Variants in TCF7L2 observed in about 807,000 individuals in gnomAD.
TCF7L2 encodes the protein transcription factor 7 like 2.
TCF7L2 carries 23 observed loss-of-function variants against 77.9 expected under a neutral mutation model. That is an observed-to-expected ratio of 0.30 (90% CI 0.21 to 0.42). The LOEUF is 0.42. TCF7L2 is among the 10% of genes least tolerant of loss of function. The pLI, the probability that TCF7L2 is intolerant of heterozygous loss-of-function variation, is 1.00. For missense variants in TCF7L2, 654 were observed against 793.1 expected (o/e 0.82, Z 2.11); for synonymous variants, 413 against 340.2 (o/e 1.21, Z -2.36).
At chr10:113,024,376 G>A (rs562544601) in intron 4 of TCF7L2, among the ~76,000 whole-genome samples, 3 of 152,102 alleles carry the variant, frequency 2.0e-5, no homozygotes, top group African/African-American at 7.2e-5. Flanking sequence ...CATAAACCCT[G>A]TAAACTATCT....
intron 5 of TCF7L2, among the ~76,000 whole-genome samples, chr10:113,132,745 G>A (rs557963872): frequency 1.3e-5 from 2 of 152,266 alleles, no homozygotes; most frequent in East Asian, 1.9e-4. Context: ...TTATGTTAAC[G>A]CTAATCATTT....
chr10:113,081,022 T>A (rs1443777836), intron 5 of TCF7L2, among the ~76,000 whole-genome samples: 1 of 152,206 alleles, frequency 6.6e-6, no homozygotes, highest in Non-Finnish European at 1.5e-5. Flanking sequence ...AACATTTGAT[T>A]CCCATTGAAA....
chr10:113,039,917 A>T (rs1276727444), intron 4 of TCF7L2, 108 bp from the exon 5 acceptor site: 1 of 890,020 alleles, frequency 1.1e-6, no homozygotes. Flanking sequence ...GCATGCTTGT[A>T]TGTTTTTCAG....
At chr10:113,014,801 C>T (rs1472497202) in intron 4 of TCF7L2, among the ~76,000 whole-genome samples, 2 of 152,060 alleles carry the variant, frequency 1.3e-5, no homozygotes, top group East Asian at 3.9e-4. Flanking sequence ...AACAAACAAA[C>T]AAACAAACAA....
chr10:113,037,183 G>A (rs1034381943), intron 4 of TCF7L2, among the ~76,000 whole-genome samples: 1 of 152,212 alleles, frequency 6.6e-6, no homozygotes, highest in African/African-American at 2.4e-5. Context: ...AAGGTTAATA[G>A]CTTCCTTTAG....
intron 5 of TCF7L2, among the ~76,000 whole-genome samples, chr10:113,118,664 GTTTTT>G (rs78459197): frequency 1.4e-3 from 93 of 68,264 alleles, no homozygotes; most frequent in Non-Finnish European, 2.8e-3. Flanking sequence ...GTTTTTTTTT[GTTTTT>G]TTTTTTTTGT....
intron 5 of TCF7L2, among the ~76,000 whole-genome samples, chr10:113,131,858 A>C (rs2066650697): frequency 6.6e-6 from 1 of 152,186 alleles, no homozygotes; most frequent in Non-Finnish European, 1.5e-5. Flanking sequence ...AGTTCTGCAC[A>C]CATTTGAGGA....
intron 4 of TCF7L2, among the ~76,000 whole-genome samples, chr10:112,990,300 G>C (rs1344077850): frequency 6.6e-6 from 1 of 152,106 alleles, no homozygotes; most frequent in East Asian, 1.9e-4. Context: ...TTCAATAACA[G>C]AGCAGTTCAG....
chr10:112,999,481 C>T lies in TCF7L2; in HGVS notation c.450+34857C>T, dbSNP rs1282241222. On this transcript the variant is annotated intron_variant, in intron 4 of 13. Transcript: ENST00000627217. ...CCTTTCTTCTCAGAAGCTTGAGGCA[C>T]TCTGCAGATACCATCTCAATTTGCT... Among the ~76,000 whole-genome samples the T allele has an allele frequency of 2.6e-5, 4 of 152,214 alleles. No homozygotes were observed. In the South Asian group the frequency reaches 6.2e-4, roughly 24 times the overall value.
intron 4 of TCF7L2, among the ~76,000 whole-genome samples, chr10:112,967,925 G>A (rs1430133286): frequency 3.9e-5 from 6 of 152,066 alleles, no homozygotes; most frequent in South Asian, 4.1e-4. Flanking sequence ...GTGAGCCACC[G>A]CTCCTGGCCA....
At chr10:112,981,862 A>C (rs915175809) in intron 4 of TCF7L2, among the ~76,000 whole-genome samples, 1 of 152,186 alleles carries the variant, frequency 6.6e-6, no homozygotes, top group Non-Finnish European at 1.5e-5. Context: ...TGGGAACCAA[A>C]GTGACCAGGA....
chr10:113,163,654 C>T (rs1047988772), intron 13 of TCF7L2, among the ~76,000 whole-genome samples: 8 of 152,204 alleles, frequency 5.3e-5, no homozygotes, highest in African/African-American at 1.9e-4. Flanking sequence ...AGTCTATTTA[C>T]TCTCTCCCAG....
At chr10:113,057,305 G>A (rs146769528) in intron 5 of TCF7L2, among the ~76,000 whole-genome samples, 1 of 152,180 alleles carries the variant, frequency 6.6e-6, no homozygotes, top group Non-Finnish European at 1.5e-5. Context: ...GAAGAGCTCG[G>A]ATTACAGGTG....
At chr10:113,087,673 G>A (rs1242407092) in intron 5 of TCF7L2, among the ~76,000 whole-genome samples, 1 of 138,334 alleles carries the variant, frequency 7.2e-6, no homozygotes, top group Non-Finnish European at 1.7e-5. Context: ...TCTGGTGCTC[G>A]GCTTCCCTTC....
chr10:113,101,083 G>GA (rs139885817), intron 5 of TCF7L2, among the ~76,000 whole-genome samples: 4,768 of 152,042 alleles, frequency 0.031, 268 homozygotes, highest in African/African-American at 0.11. Context: ...CTCAAGGGGG[G>GA]AAAAAATCCA....
intron 5 of TCF7L2, among the ~76,000 whole-genome samples, chr10:113,101,923 G>T (rs2061692551): frequency 6.6e-6 from 1 of 150,540 alleles, no homozygotes; most frequent in Non-Finnish European, 1.5e-5. Flanking sequence ...TGGATTGCCT[G>T]AGCTCAGGAG....
At position 112,955,909 on chromosome 10, in the gene TCF7L2, A is replaced by G. The variant is rs549615978; in HGVS notation, c.381+4302A>G. 3.3e-5 allele frequency among the ~76,000 whole-genome samples: 5 copies of G among 152,140 alleles called. No individual in the cohort carries two copies. In the East Asian group the frequency reaches 5.8e-4, roughly 18 times the overall value. On this transcript the variant is annotated intron_variant, in intron 3 of 13. Transcript: ENST00000627217. ...CAGAGGCTGTGCTTTTAAAGATTAC[A>G]GTAGAAGTCTTTCCAGGTTTCGAAT... is the stretch of plus-strand genomic sequence containing the variant.
rs1362581606 is a variant in TCF7L2 at position 113,165,824 on chromosome 10, G to A, written c.1661G>A (p.Gly554Glu). The A allele has an allele frequency of 1.2e-6, 2 of 1,606,566 alleles. No homozygotes were observed. Among genetic ancestry groups the A allele is most frequent in the South Asian group, 1.1e-5 (1 of 90,330 alleles). ...AAGGCCTCCGCCCTCTGTCCCAACG[G>A]GGCCCTGGACCTGCCCCCAGCCGCT... Residue 554 changes from glycine to glutamate, a missense_variant, in exon 14 of 14, where the codon GGG (glycine) becomes GAG (glutamate). Gly to Glu is a moderately conservative substitution (Grantham distance 98). Transcript: ENST00000627217.
intron 5 of TCF7L2, among the ~76,000 whole-genome samples, chr10:113,115,833 G>A (rs1334015793): frequency 6.6e-6 from 1 of 152,028 alleles, no homozygotes; most frequent in Non-Finnish European, 1.5e-5. Flanking sequence ...ATGTGTGTGC[G>A]TGTGTCTCTG....
Sources: gnomAD v4.1 joint callset for allele counts (sites outside exome capture counted in the v4.1 genomes callset) on GRCh38, gnomAD v4.1.1 for gene constraint, MANE v1.5 for transcripts, NCBI Gene and HGNC (gene_info 2026-07-23, HGNC 2026-07-21) for gene names.